NAV3: variants seen among roughly 807,000 people sequenced by gnomAD.
NAV3 encodes neuron navigator 3.
A neutral mutation model predicts 244.7 loss-of-function variants in NAV3; 87 were observed. The observed-to-expected ratio is 0.36, with a 90% CI of 0.30 to 0.42. NAV3 has a LOEUF of 0.42. Ranked by LOEUF, NAV3 falls within the 20% of genes least tolerant of loss-of-function variation. The pLI, the probability that NAV3 is intolerant of heterozygous loss-of-function variation, is 1.00. For missense variants in NAV3, 2,663 were observed against 2,893.3 expected, an observed-to-expected ratio of 0.92 and a Z score of 1.83; for synonymous variants, 1,126 against 1,042.2, an observed-to-expected ratio of 1.08 and a Z score of -1.55.
chr12:78,132,987 T>A (rs1956227252), intron 18 of NAV3, among the ~76,000 whole-genome samples: 1 of 152,204 alleles, frequency 6.6e-6, no homozygotes, highest in Admixed American at 6.5e-5. Flanking sequence ...TGTGATTTTA[T>A]CTTCAGAATA....
At chr12:77,925,179 C>G (rs1268967815) in intron 1 of NAV3, among the ~76,000 whole-genome samples, 1 of 152,030 alleles carries the variant, frequency 6.6e-6, no homozygotes, top group Non-Finnish European at 1.5e-5. Context: ...CTTTTTGTGT[C>G]TTGCATGTTG....
At chr12:78,164,912 T>C (rs1957716305) in intron 23 of NAV3, among the ~76,000 whole-genome samples, 1 of 152,066 alleles carries the variant, frequency 6.6e-6, no homozygotes, top group Non-Finnish European at 1.5e-5. Context: ...AACAAAGTCT[T>C]TGTTAGTGAG....
chr12:77,838,686 G>A (rs1272637326), intron 1 of NAV3, among the ~76,000 whole-genome samples: 4 of 152,034 alleles, frequency 2.6e-5, no homozygotes, highest in Admixed American at 1.3e-4. Context: ...TAATTGCTAC[G>A]TGTTTGATAT....
intron 1 of NAV3, among the ~76,000 whole-genome samples, chr12:77,905,040 AG>A (rs1323614827): frequency 6.6e-6 from 1 of 152,140 alleles, no homozygotes; most frequent in Non-Finnish European, 1.5e-5. Flanking sequence ...TTTGTGATAG[AG>A]AAGTCAGTAT....
chr12:77,888,010 A>T (rs1383526595), intron 1 of NAV3, among the ~76,000 whole-genome samples: 1 of 129,576 alleles, frequency 7.7e-6, no homozygotes, highest in Non-Finnish European at 1.6e-5. Context: ...ATCTAAAGAC[A>T]CAAAAGTTGT....
chr12:77,767,385 A>G (rs1047661831), intron 2 of NAV3, among the ~76,000 whole-genome samples: 3 of 152,122 alleles, frequency 2.0e-5, no homozygotes, highest in Non-Finnish European at 4.4e-5. Flanking sequence ...CCTGAGTTTT[A>G]CTAGGGCCCA....
At chr12:77,625,440 G>A (rs980957493) in intron 2 of NAV3, among the ~76,000 whole-genome samples, 26 of 152,128 alleles carry the variant, frequency 1.7e-4, no homozygotes, top group African/African-American at 6.0e-4. Context: ...CCAGGGTGTG[G>A]ATTTAAGGCT....
intron 2 of NAV3, among the ~76,000 whole-genome samples, chr12:77,752,116 G>T (rs975708760): frequency 6.6e-5 from 10 of 152,054 alleles, no homozygotes; most frequent in African/African-American, 2.4e-4. Context: ...GCCAATTGTG[G>T]TCAATATTTG....
chr12:77,990,415 A>G (rs1871254673), intron 5 of NAV3, among the ~76,000 whole-genome samples: 1 of 150,784 alleles, frequency 6.6e-6, no homozygotes, highest in Admixed American at 6.7e-5. Flanking sequence ...AGGACCTGGC[A>G]TCTCATTGTC....
At chr12:77,969,637 G>A (rs1427456474) in intron 5 of NAV3, among the ~76,000 whole-genome samples, 1 of 152,114 alleles carries the variant, frequency 6.6e-6, no homozygotes, top group Non-Finnish European at 1.5e-5. Context: ...ACAAGGTCAG[G>A]AGTTCAAGAC....
At chr12:77,884,274 G>C (rs1486877639) in intron 1 of NAV3, among the ~76,000 whole-genome samples, 1 of 152,098 alleles carries the variant, frequency 6.6e-6, no homozygotes, top group African/African-American at 2.4e-5. Context: ...GATGATGATT[G>C]ATTGATTGAC....
intron 3 of NAV3, among the ~76,000 whole-genome samples, chr12:77,945,297 T>C (rs1890233482): frequency 1.3e-5 from 2 of 152,184 alleles, no homozygotes; most frequent in Admixed American, 6.6e-5. Flanking sequence ...AATTTTGGTC[T>C]GTGTGGAAGA....
At chr12:77,863,969 A>G (rs899137734) in intron 1 of NAV3, among the ~76,000 whole-genome samples, 1 of 151,906 alleles carries the variant, frequency 6.6e-6, no homozygotes, top group Non-Finnish European at 1.5e-5. Flanking sequence ...CCAATTTCTC[A>G]AACACTATAT....
chr12:78,063,104 T>C (rs1397349094), intron 12 of NAV3, among the ~76,000 whole-genome samples: 1 of 152,168 alleles, frequency 6.6e-6, no homozygotes, highest in African/African-American at 2.4e-5. Flanking sequence ...TGAATTCCTC[T>C]TACCAGCACA....
intron 2 of NAV3, among the ~76,000 whole-genome samples, chr12:77,788,356 T>G (rs1871005051): frequency 6.6e-6 from 1 of 152,188 alleles, no homozygotes. Flanking sequence ...GTGTTCGCCT[T>G]AAGTCAGTGC....
intron 12 of NAV3, among the ~76,000 whole-genome samples, chr12:78,085,924 G>A (rs1953610563): frequency 6.6e-6 from 1 of 152,056 alleles, no homozygotes; most frequent in Non-Finnish European, 1.5e-5. Context: ...ATTCAGCAGT[G>A]GGTTTTGAGT....
intron 2 of NAV3, among the ~76,000 whole-genome samples, chr12:77,618,017 T>C (rs766008926): frequency 6.6e-6 from 1 of 152,192 alleles, no homozygotes; most frequent in Non-Finnish European, 1.5e-5. Flanking sequence ...TGATTAATGC[T>C]GAGTGTGCAA....
intron 1 of NAV3, among the ~76,000 whole-genome samples, chr12:77,872,520 G>A (rs1352712072): frequency 6.6e-6 from 1 of 152,158 alleles, no homozygotes; most frequent in Non-Finnish European, 1.5e-5. Flanking sequence ...TCTTGGGCAG[G>A]AGACTTTATG....
rs1423306264 is a variant in NAV3, at chr12:78,212,226, A to G, written c.*1709A>G. 2.6e-5 allele frequency: 4 copies of G among 152,618 alleles called. No homozygotes were observed. Among genetic ancestry groups the G allele is most frequent in the African/African-American group, 9.6e-5 (4 of 41,456 alleles). 9.5% of individuals were successfully genotyped at this position (152,618 alleles called of 1,614,324 possible). ...GAGAGTGCATGAAAACTGATCAGTC[A>G]TTGGAGAAGTTACCACCACACACAA... On this transcript the variant is annotated 3_prime_UTR_variant, in exon 40 of 40. Coordinates refer to ENST00000397909, the MANE Select transcript of NAV3 (RefSeq NM_001024383.2).
Sources: allele counts gnomAD v4.1 joint callset (sites outside exome capture counted in the v4.1 genomes callset), GRCh38; gene constraint gnomAD v4.1.1; transcripts MANE v1.5; gene names NCBI Gene and HGNC (gene_info 2026-07-23, HGNC 2026-07-21).